The following LARGE1 variants were observed in gnomAD, a reference collection of about 807,000 sequenced individuals.
The protein encoded by LARGE1 is LARGE xylosyl- and glucuronyltransferase 1, also known as xylosyl- and glucuronyltransferase LARGE1.
In LARGE1, 43 loss-of-function variants were observed where a neutral mutation model predicts 87.6. That is an observed-to-expected ratio of 0.49 (90% CI 0.38 to 0.63). The LOEUF is 0.63. LARGE1 is among the 30% of genes least tolerant of loss of function. LARGE1 has a pLI of 0.00. For missense variants in LARGE1, 802 were observed against 1,000.2 expected (o/e 0.80, Z 2.67); for synonymous variants, 434 against 394.6 (o/e 1.10, Z -1.18).
chr22:33,505,683 C>A (rs547830945), intron 6 of LARGE1, among the ~76,000 whole-genome samples: 3 of 152,246 alleles, frequency 2.0e-5, no homozygotes, highest in African/African-American at 4.8e-5. Flanking sequence ...TAGCGAGTTC[C>A]CCGTCACTGG....
chr22:33,268,867 G>C (rs1224490402), downstream of LARGE1, among the ~76,000 whole-genome samples: 1 of 152,122 alleles, frequency 6.6e-6, no homozygotes, highest in Non-Finnish European at 1.5e-5. Flanking sequence ...GTATACATGT[G>C]GATGGTAAAC....
intron 5 of LARGE1, among the ~76,000 whole-genome samples, chr22:33,570,646 C>T (rs77203163): frequency 1.2e-5 from 1 of 80,898 alleles, no homozygotes; most frequent in African/African-American, 5.1e-5. Flanking sequence ...GACTCCATTT[C>T]AAAAAAAAAA....
At chr22:33,180,226 C>T (rs892754925) in intron 11 of LARGE1, among the ~76,000 whole-genome samples, 1 of 152,106 alleles carries the variant, frequency 6.6e-6, no homozygotes, top group African/African-American at 2.4e-5. Flanking sequence ...AAGACACTCC[C>T]CTTCACACTT....
intron 10 of LARGE1, among the ~76,000 whole-genome samples, chr22:33,325,359 C>G (rs1384491401): frequency 6.6e-6 from 1 of 152,252 alleles, no homozygotes; most frequent in African/African-American, 2.4e-5. Context: ...TGGAAAGGCT[C>G]TGGCTAGTAC....
intron 4 of LARGE1, among the ~76,000 whole-genome samples, chr22:33,607,978 G>A (rs1382577620): frequency 6.6e-6 from 1 of 152,174 alleles, no homozygotes; most frequent in East Asian, 1.9e-4. Context: ...ACTGGGCCTT[G>A]GTGATGCTTG....
At chr22:33,844,722 CT>C (rs748137716) in intron 1 of LARGE1, among the ~76,000 whole-genome samples, 359 of 142,040 alleles carry the variant, frequency 2.5e-3, no homozygotes, top group Middle Eastern at 0.011. Context: ...GGTTTCCAAA[CT>C]TTTTTTTTTT....
chr22:33,725,555 C>T (rs577634058), intron 2 of LARGE1: 3 of 150,910 alleles, frequency 2.0e-5, no homozygotes, highest in African/African-American at 7.2e-5. Context: ...AAGAGAAGGT[C>T]TGGGAGCATG....
intron 6 of LARGE1, among the ~76,000 whole-genome samples, chr22:33,444,945 T>G (rs1388722225): frequency 6.6e-6 from 1 of 152,150 alleles, no homozygotes; most frequent in Non-Finnish European, 1.5e-5. Flanking sequence ...TTCTCCTGCC[T>G]CAACCTCCCA....
intron 7 of LARGE1, among the ~76,000 whole-genome samples, chr22:33,424,704 A>G (rs181476016): frequency 6.6e-6 from 1 of 152,192 alleles, no homozygotes; most frequent in Admixed American, 6.5e-5. Context: ...GCACAGCTGT[A>G]GTCCAAGCTA....
chr22:33,541,075 C>CG (rs2077188047), intron 6 of LARGE1, among the ~76,000 whole-genome samples: 3 of 11,192 alleles, frequency 2.7e-4, no homozygotes, highest in Non-Finnish European at 5.0e-4. Flanking sequence ...GGGCGGGGGG[C>CG]GGGTTGCAGG....
chr22:33,504,889 A>G (rs1266104050), intron 6 of LARGE1, among the ~76,000 whole-genome samples: 3 of 152,264 alleles, frequency 2.0e-5, no homozygotes, highest in Non-Finnish European at 4.4e-5. Context: ...AAGCACAACT[A>G]ATCATATTCG....
chr22:33,829,007 T>TC (rs1491123717), intron 1 of LARGE1, among the ~76,000 whole-genome samples: 1 of 19,728 alleles, frequency 5.1e-5, no homozygotes, highest in Non-Finnish European at 1.1e-4. Flanking sequence ...TCTCTTTTTC[T>TC]TTTTTTTTTT....
intron 6 of LARGE1, among the ~76,000 whole-genome samples, chr22:33,554,345 C>T (rs970747363): frequency 6.6e-6 from 1 of 152,104 alleles, no homozygotes; most frequent in Admixed American, 6.6e-5. Context: ...GCTCACCTGG[C>T]CATTCAGAAA....
the LARGE1 span, among the ~76,000 whole-genome samples, chr22:33,120,390 C>CTTTCTTTT: frequency 1.1e-5 from 1 of 94,588 alleles, no homozygotes; most frequent in East Asian, 2.5e-4. Flanking sequence ...TTCTTTCTTT[C>CTTTCTTTT]TTTCTTTCTT....
chr22:33,646,498 C>A (rs1017623972), intron 3 of LARGE1, among the ~76,000 whole-genome samples: 3 of 130,170 alleles, frequency 2.3e-5, no homozygotes, highest in African/African-American at 8.9e-5. Flanking sequence ...GGCATAAAAC[C>A]TAGATGATGG....
chr22:33,808,003 T>C (rs2086368642), intron 1 of LARGE1, among the ~76,000 whole-genome samples: 1 of 152,246 alleles, frequency 6.6e-6, no homozygotes, highest in Non-Finnish European at 1.5e-5. Flanking sequence ...AGTTTTCAGC[T>C]CCTTTGGGTA....
At chr22:33,697,681 T>A (rs2082293169) in intron 2 of LARGE1, among the ~76,000 whole-genome samples, 1 of 151,594 alleles carries the variant, frequency 6.6e-6, no homozygotes, top group East Asian at 1.9e-4. Context: ...AAAACTCAGA[T>A]CTCTGTTCCT....
chr22:33,303,803 T>G (rs879870667), intron 12 of LARGE1, among the ~76,000 whole-genome samples: 72 of 132,492 alleles, frequency 5.4e-4, no homozygotes, highest in Non-Finnish European at 7.8e-4. Flanking sequence ...TTTGGTATTT[T>G]TAGTAGGGGG....
intron 1 of LARGE1, among the ~76,000 whole-genome samples, chr22:33,882,042 T>G (rs2064704162): frequency 1.3e-5 from 2 of 149,348 alleles, no homozygotes; most frequent in Admixed American, 1.3e-4. Flanking sequence ...TTTGTTTTTT[T>G]TTGTTTTTTT....
Sources: allele counts gnomAD v4.1 joint callset (sites outside exome capture counted in the v4.1 genomes callset), GRCh38; gene constraint gnomAD v4.1.1; transcripts MANE v1.5; gene names NCBI Gene and HGNC (gene_info 2026-07-23, HGNC 2026-07-21).